PLSCR3: variants seen among roughly 807,000 people sequenced by gnomAD.
PLSCR3 encodes the protein phospholipid scramblase 3, also known as PL scramblase 3.
A neutral mutation model predicts 33.7 loss-of-function variants in PLSCR3; 17 were observed. That is an observed-to-expected ratio of 0.50 (90% CI 0.35 to 0.76). The LOEUF (loss-of-function observed/expected upper bound fraction) is 0.76. Among genes scored for constraint, PLSCR3 ranks in the 30% least tolerant of loss-of-function variants. The pLI is 0.01. For synonymous variants in PLSCR3, 166 were observed against 166.0 expected (o/e 1.00, Z 0.00); for missense variants, 360 against 394.1 (o/e 0.91, Z 0.73).
chr17:7,392,078 G>A (rs1006988094), intron 6 of PLSCR3, among the ~76,000 whole-genome samples: 5 of 152,152 alleles, frequency 3.3e-5, no homozygotes, highest in East Asian at 1.9e-4. Flanking sequence ...CTAGCTACTC[G>A]GGAGGTTTAG....
rs761612327 is a variant in PLSCR3 at position 7,393,272 on chromosome 17, C to T, written c.379G>A (p.Ala127Thr). 1.2e-6 allele frequency: 2 copies of T among 1,606,272 alleles called. No individual in the cohort carries two copies. Among genetic ancestry groups the T allele is most frequent in the Admixed American group, 1.7e-5 (1 of 59,832 alleles). ...GQAAEESNCCARLCCGARRPL... is the reference protein window; with the variant it reads ...GQAAEESNCCTRLCCGARRPL... ...CGGCGGGCGCCACAGCACAGACGGGCGCAGCAGTTGCTCTCCTCGGCCGCC... is the reference window on the plus strand; with the variant it reads ...CGGCGGGCGCCACAGCACAGACGGGTGCAGCAGTTGCTCTCCTCGGCCGCC... Residue 127 changes from alanine (A) to threonine (T), a missense_variant, in exon 5 of 8, where the codon GCC becomes ACC. Physicochemically the swap from Ala to Thr is moderately conservative, Grantham distance 58. Coordinates refer to ENST00000619711, the MANE Select transcript of PLSCR3 (RefSeq NM_020360.4).
Position 7,390,650 on chromosome 17 carries a change from C to T in PLSCR3, c.815G>A (p.Gly272Glu), listed in dbSNP as rs780127700. 2 of 1,614,024 alleles carry T rather than the reference C, an allele frequency of 1.2e-6. No individual in the cohort carries two copies. The highest frequency in any genetic ancestry group is 1.7e-6 in the Non-Finnish European group (2 of 1,179,900). Reference sequence around the variant, plus strand: ...CCAACTCACAATGAGGAATGTGGCTCCCAGCAGCACAGCCTTCACCCTCAC... The same window carrying T: ...CCAACTCACAATGAGGAATGTGGCTTCCAGCAGCACAGCCTTCACCCTCAC... ...LDVRVKAVLL[G>E]ATFLIDYMFF... is the part of the protein sequence containing the mutation. The change falls in exon 7 of 8, where the codon GGA becomes GAA. Residue 272 changes from glycine to glutamate, a missense_variant. Transcript: ENST00000619711.
rs764996121 is a variant in PLSCR3 at position 7,393,887 on chromosome 17, C to G, written c.8-51G>C. On this transcript the variant is annotated intron_variant, in intron 2 of 7. Transcript: ENST00000619711. ...ATTAGAAAGGGACTCAAGGCCTCAT[C>G]CCCTTATTCCTCAGCCCATGGGCCG... The G allele has an allele frequency of 8.5e-5, 103 of 1,212,392 alleles. No homozygotes were observed. In the African/African-American group the frequency reaches 1.5e-3, roughly 18 times the overall value. 75.1% of individuals were successfully genotyped at this position (1,212,392 alleles called of 1,614,324 possible).
intron 4 of PLSCR3, 33 bp downstream of exon 4, chr17:7,393,434 C>CATG (rs1230140669): frequency 6.2e-7 from 1 of 1,613,784 alleles, no homozygotes; most frequent in Non-Finnish European, 8.5e-7. Context: ...GGGCCACCAT[C>CATG]ATGAGGTCCA....
At position 7,393,528 on chromosome 17, in the gene PLSCR3, C is replaced by T. The variant is rs2143223814; in HGVS notation, c.244-19G>A. The T allele has an allele frequency of 1.9e-6, 3 of 1,614,086 alleles. No homozygotes were observed. The highest frequency in any genetic ancestry group is 1.7e-6 in the Non-Finnish European group (2 of 1,180,002). ...GATCAATCTGGAAAGAGAGGGGCGG[C>T]GCGCACATCAGCTGGCCCATCTGGA... On this transcript the variant is annotated intron_variant, in intron 3 of 7. Transcript: ENST00000619711.
In PLSCR3 at chr17:7,393,737, G is replaced by T; in HGVS notation, c.107C>A (p.Ala36Glu). Residue 36 changes from alanine to glutamate, a missense_variant, in exon 3 of 8, where the codon GCG becomes GAG. By Grantham distance (107) the Ala-to-Glu change is moderately radical. Coordinates refer to ENST00000619711, the MANE Select transcript of PLSCR3 (RefSeq NM_020360.4). ...EPALHPGPGQ[A>E]PVPAQVPAPA... The stretch of plus-strand genomic sequence containing the variant: ...GGCAGGTACCTGGGCGGGCACTGGC[G>T]CCTGCCCGGGCCCAGGATGTAGCGC... 4 of 1,517,550 alleles carry T rather than the reference G, an allele frequency of 2.6e-6. No homozygotes were observed. The highest frequency in any genetic ancestry group is 3.5e-6 in the Non-Finnish European group (4 of 1,143,152). 94.0% of individuals were successfully genotyped at this position (1,517,550 alleles called of 1,614,324 possible). A position where few individuals can be genotyped will look rare whatever the true frequency, so the allele number is the denominator to read the frequency against.
rs1905526126 is a variant in PLSCR3 at position 7,390,073 on chromosome 17, AG to A, written c.*311del. 9.6e-5 allele frequency: 27 copies of A among 282,574 alleles called. No homozygotes were observed. Among genetic ancestry groups the A allele is most frequent in the Middle Eastern group, 1.1e-3 (1 of 888 alleles). The allele number at this position is 282,574 out of a possible 1,614,324, so 17.5% of individuals were successfully genotyped here. ...GTAAAACCCCAGAGTCCTGGGTTCC[AG>A]AGGCCTCCTTTGGAGCAGAGGCCCT... is the stretch of plus-strand genomic sequence containing the variant. On this transcript the variant is annotated 3_prime_UTR_variant, in exon 8 of 8. Coordinates refer to ENST00000619711, the MANE Select transcript of PLSCR3 (RefSeq NM_020360.4).
In PLSCR3 at chr17:7,394,145, C is replaced by T. The variant is rs1420921279; in HGVS notation, c.-35G>A. 6.2e-7 allele frequency: 1 copy of T among 1,610,986 alleles called. No individual in the cohort carries two copies. The highest frequency in any genetic ancestry group is 2.2e-5 in the East Asian group (1 of 44,800). ...GCTGGGGTTTTCGAGATGATGGTGT[C>T]TGGGTGGCTTAGTTCTGGAAGCGGA... On this transcript the variant is annotated 5_prime_UTR_variant, in exon 2 of 8. Transcript: ENST00000619711. The surrounding 1 kb of genome is among the most constrained non-coding windows in gnomAD (Gnocchi z 5.3).
intron 6 of PLSCR3, 109 bp from the exon 7 acceptor site, chr17:7,390,904 A>G: frequency 9.2e-7 from 1 of 1,090,754 alleles, no homozygotes; most frequent in South Asian, 1.4e-5. Flanking sequence ...GTCTCCACTC[A>G]GTGAATCTTC....
Position 7,390,785 on chromosome 17 carries a change from C to T in PLSCR3, c.680G>A (p.Arg227Gln), listed in dbSNP as rs371855874. Reference protein sequence around the residue: ...GTDTNFEVKTRDESRSVGRIS... With the variant: ...GTDTNFEVKTQDESRSVGRIS... ...GCGGCCCACACTGCGGGATTCATCC[C>T]GAGTCTTCACCTGTCATCAGGGAGG... Residue 227 changes from arginine to glutamine, a missense_variant, in exon 7 of 8, where the codon CGG becomes CAG. By Grantham distance (43) the Arg-to-Gln change is conservative. Transcript: ENST00000619711. 44 of 1,613,888 alleles carry T rather than the reference C, an allele frequency of 2.7e-5. No homozygotes were observed. The highest frequency in any genetic ancestry group is 3.5e-5 in the Non-Finnish European group (41 of 1,180,006).
At position 7,394,124 on chromosome 17, in the gene PLSCR3, G is replaced by C; in HGVS notation, c.-14C>G. The C allele has an allele frequency of 6.2e-7, 1 of 1,613,378 alleles. No homozygotes were observed. The highest frequency in any genetic ancestry group is 1.3e-5 in the African/African-American group (1 of 75,034). On this transcript the variant is annotated 5_prime_UTR_variant, in exon 2 of 8. Transcript: ENST00000619711. The surrounding 1 kb of genome is among the most constrained non-coding windows in gnomAD (Gnocchi z 5.3). ...CTTACCTGCCATGGGAGAAGGGCTGGGGTTTTCGAGATGATGGTGTCTGGG... is the reference window on the plus strand; with the variant it reads ...CTTACCTGCCATGGGAGAAGGGCTGCGGTTTTCGAGATGATGGTGTCTGGG...
chr17:7,393,119 C>CA, intron 5 of PLSCR3, 25 bp downstream of exon 5: 38 of 1,338,932 alleles, frequency 2.8e-5, no homozygotes, highest in African/African-American at 5.9e-5. Flanking sequence ...AAGGCCCGCC[C>CA]TCCCGGCCCC....
chr17:7,394,365 T>A lies in PLSCR3; in HGVS notation c.-157-98A>T. On this transcript the variant is annotated intron_variant, in intron 1 of 7. Transcript: ENST00000619711. This position sits in a 1 kb window ranked among gnomAD's most constrained non-coding sequence, Gnocchi z 5.3. Reference sequence around the variant, plus strand: ...CCAGAACCGCCCCCTCCCTTTGTTCTCCCATCCTGCGGAGGAGGCTGTGGG... The same window carrying A: ...CCAGAACCGCCCCCTCCCTTTGTTCACCCATCCTGCGGAGGAGGCTGTGGG... The A allele has an allele frequency of 2.1e-6, 1 of 480,452 alleles. No individual in the cohort carries two copies. The highest frequency in any genetic ancestry group is 3.8e-6 in the Non-Finnish European group (1 of 266,528). 29.8% of individuals were successfully genotyped at this position (480,452 alleles called of 1,614,324 possible).
chr17:7,393,125 G>GCCCCC lies in PLSCR3; in HGVS notation c.507+14_507+18dup. The GCCCCC allele has an allele frequency of 1.4e-6, 1 of 721,238 alleles. No homozygotes were observed. The allele number at this position is 721,238 out of a possible 1,614,324, so 44.7% of individuals were successfully genotyped here. A position where few individuals can be genotyped will look rare whatever the true frequency, so the allele number is the denominator to read the frequency against. On this transcript the variant is annotated intron_variant, in intron 5 of 7. Transcript: ENST00000619711. ...CGCCCCACCAAGGCCCGCCCTCCCGGCCCCCTCCCTCCGCCCACCTCCTGG... is the reference window on the plus strand; with the variant it reads ...CGCCCCACCAAGGCCCGCCCTCCCGGCCCCCCCCCCTCCCTCCGCCCACCTCCTGG...
intron 6 of PLSCR3, 108 bp from the exon 7 acceptor site, chr17:7,390,903 C>CAGTG: frequency 9.2e-7 from 1 of 1,091,438 alleles, no homozygotes; most frequent in Non-Finnish European, 1.4e-6. Flanking sequence ...GGTCTCCACT[C>CAGTG]AGTGAATCTT....
rs1480072456 is a variant in PLSCR3, at chr17:7,394,161, T to C, written c.-51A>G. ...TGATGGTGTCTGGGTGGCTTAGTTC[T>C]GGAAGCGGAGGCAAACTCGGAGATA... On this transcript the variant is annotated 5_prime_UTR_variant, in exon 2 of 8. Transcript: ENST00000619711. This position sits in a 1 kb window ranked among gnomAD's most constrained non-coding sequence, Gnocchi z 5.3. 1 of 1,589,954 alleles carries C rather than the reference T, an allele frequency of 6.3e-7. No homozygotes were observed.
intron 5 of PLSCR3, 81 bp downstream of exon 5, chr17:7,393,063 A>C (rs941295720): frequency 1.5e-5 from 22 of 1,497,612 alleles, no homozygotes; most frequent in African/African-American, 2.8e-5. Flanking sequence ...CTCCCACCTG[A>C]TCCAGGCCTC....
Position 7,393,726 on chromosome 17 carries a change from C to T in PLSCR3, c.118G>A (p.Ala40Thr), listed in dbSNP as rs778811511. The T allele has an allele frequency of 1.3e-6, 2 of 1,526,012 alleles. No individual in the cohort carries two copies. The highest frequency in any genetic ancestry group is 1.7e-6 in the Non-Finnish European group (2 of 1,146,822). 94.5% of individuals were successfully genotyped at this position (1,526,012 alleles called of 1,614,324 possible). A position where few individuals can be genotyped will look rare whatever the true frequency, so the allele number is the denominator to read the frequency against. Residue 40 changes from alanine (A) to threonine (T), a missense_variant, in exon 3 of 8, where the codon GCC (alanine) becomes ACC (threonine). Ala to Thr is a moderately conservative substitution (Grantham distance 58, BLOSUM62 0). Coordinates refer to ENST00000619711, the MANE Select transcript of PLSCR3 (RefSeq NM_020360.4). ...HPGPGQAPVP[A>T]QVPAPAPGFA... is the part of the protein sequence containing the mutation. ...CCGGGAGCTGGGGCAGGTACCTGGG[C>T]GGGCACTGGCGCCTGCCCGGGCCCA...
chr17:7,393,311 G>T lies in PLSCR3; in HGVS notation c.340C>A (p.Gln114Lys). The change falls in exon 5 of 8, where the codon CAG becomes AAG. Residue 114 changes from glutamine to lysine, a missense_variant. Coordinates refer to ENST00000619711, the MANE Select transcript of PLSCR3 (RefSeq NM_020360.4). ...NRYELRSGAG[Q>K]PLGQAAEESN... ...TCCTCGGCCGCCTGACCCAGGGGCT[G>T]CCCGGCCCCAGAGCGCAGTTCATAC... 1 of 1,611,272 alleles carries T rather than the reference G, an allele frequency of 6.2e-7. No homozygotes were observed.
Sources: allele counts gnomAD v4.1 joint callset (sites outside exome capture counted in the v4.1 genomes callset), GRCh38; gene constraint gnomAD v4.1.1; non-coding constraint Gnocchi (gnomAD v3.1); transcripts MANE v1.5; gene names NCBI Gene and HGNC (gene_info 2026-07-23, HGNC 2026-07-21).